LIN7A: variants seen among roughly 807,000 people sequenced by gnomAD.
The protein encoded by LIN7A is lin-7 cell polarity scaffold A.
LIN7A carries 25 observed loss-of-function variants against 29.8 expected under a neutral mutation model. The ratio of observed to expected loss-of-function variants is 0.84; its 90% CI spans 0.61 to 1.17. The LOEUF (loss-of-function observed/expected upper bound fraction) is 1.17, where lower values mean the gene tolerates loss of function less well. Ranked by LOEUF, LIN7A falls within the 50% of genes most tolerant of loss-of-function variation. The pLI, the probability that LIN7A is intolerant of heterozygous loss-of-function variation, is 0.00. For missense variants in LIN7A, 239 were observed against 287.0 expected, an observed-to-expected ratio of 0.83 and a Z score of 1.21; for synonymous variants, 118 against 107.5, an observed-to-expected ratio of 1.10 and a Z score of -0.60.
chr12:80,911,862 C>G (rs1386366745), intron 1 of LIN7A, among the ~76,000 whole-genome samples: 2 of 152,130 alleles, frequency 1.3e-5, no homozygotes, highest in African/African-American at 4.8e-5. Context: ...TTGGAAGGCA[C>G]TATTTTTCAA....
chr12:80,895,664 C>G (rs1197545457), intron 1 of LIN7A, among the ~76,000 whole-genome samples: 4 of 152,232 alleles, frequency 2.6e-5, no homozygotes, highest in Non-Finnish European at 5.9e-5. Context: ...TGTAAAGTCA[C>G]TTGTTATGGC....
chr12:80,905,926 A>G (rs1876454671), intron 1 of LIN7A, among the ~76,000 whole-genome samples: 1 of 152,070 alleles, frequency 6.6e-6, no homozygotes, highest in African/African-American at 2.4e-5. Flanking sequence ...TTTCTAAAGC[A>G]TATAATCAAA....
chr12:80,930,412 A>G (rs537778969), intron 1 of LIN7A, among the ~76,000 whole-genome samples: 71 of 152,318 alleles, frequency 4.7e-4, no homozygotes, highest in African/African-American at 1.7e-3. Context: ...AATTAACACA[A>G]TTTTTAAGGT....
chr12:80,813,785 C>A (rs761690436), intron 4 of LIN7A, among the ~76,000 whole-genome samples: 1 of 152,052 alleles, frequency 6.6e-6, no homozygotes, highest in Non-Finnish European at 1.5e-5. Context: ...CCCCTCTGAG[C>A]GGATCACCAG....
intron 1 of LIN7A, among the ~76,000 whole-genome samples, chr12:80,893,981 A>G (rs1875757339): frequency 6.6e-6 from 1 of 152,184 alleles, no homozygotes; most frequent in Non-Finnish European, 1.5e-5. Context: ...TTTGGAAACA[A>G]ATAGGTGGGA....
At chr12:80,819,044 C>T (rs995125438) in intron 4 of LIN7A, among the ~76,000 whole-genome samples, 1 of 152,134 alleles carries the variant, frequency 6.6e-6, no homozygotes, top group Non-Finnish European at 1.5e-5. Flanking sequence ...GTTTCAGTTA[C>T]CCAGGGTCAA....
chr12:80,841,944 A>G (rs1206899680), intron 4 of LIN7A: 2 of 1,095,854 alleles, frequency 1.8e-6, no homozygotes, highest in African/African-American at 3.4e-5. Flanking sequence ...CTGAGGATTG[A>G]TATAAGAAGT....
chr12:80,820,766 T>C (rs1168380655), intron 4 of LIN7A, among the ~76,000 whole-genome samples: 6 of 152,152 alleles, frequency 3.9e-5, no homozygotes, highest in Admixed American at 3.3e-4. Context: ...TACTAATTCT[T>C]GAGTGGTGGG....
intron 5 of LIN7A, among the ~76,000 whole-genome samples, chr12:80,807,077 T>TTTTTTTTTTTG (rs869213361): frequency 2.6e-5 from 3 of 115,538 alleles, no homozygotes; most frequent in East Asian, 2.6e-4. Context: ...TTTTTTTTTT[T>TTTTTTTTTTTG]TTTTTTTTTT....
At chr12:80,886,979 G>A (rs952101012) in intron 2 of LIN7A, among the ~76,000 whole-genome samples, 1 of 151,984 alleles carries the variant, frequency 6.6e-6, no homozygotes, top group African/African-American at 2.4e-5. Flanking sequence ...ATGCCTGTTA[G>A]ACATCTCTGC....
chr12:80,817,667 C>T (rs1329203361), intron 4 of LIN7A, among the ~76,000 whole-genome samples: 1 of 152,074 alleles, frequency 6.6e-6, no homozygotes, highest in Non-Finnish European at 1.5e-5. Context: ...CTCAGAAACA[C>T]AGAACATTAT....
At chr12:80,899,579 A>T (rs1452149340) in intron 1 of LIN7A, among the ~76,000 whole-genome samples, 1 of 151,626 alleles carries the variant, frequency 6.6e-6, no homozygotes, top group Non-Finnish European at 1.5e-5. Context: ...TTCTTTATGT[A>T]TCTGGGAAAA....
chr12:80,885,178 G>C (rs1244717149), intron 2 of LIN7A, among the ~76,000 whole-genome samples: 1 of 152,036 alleles, frequency 6.6e-6, no homozygotes, highest in Non-Finnish European at 1.5e-5. Context: ...TGAGCTATTT[G>C]CACTGCAATT....
chr12:80,841,084 T>G (rs1007478007), intron 4 of LIN7A, among the ~76,000 whole-genome samples: 4 of 152,126 alleles, frequency 2.6e-5, no homozygotes, highest in African/African-American at 7.2e-5. Flanking sequence ...CCCCTAAATA[T>G]TCTCTTCTCC....
chr12:80,799,482 A>G (rs955575860), intron 5 of LIN7A, among the ~76,000 whole-genome samples: 12 of 152,222 alleles, frequency 7.9e-5, no homozygotes, highest in African/African-American at 2.7e-4. Context: ...AAGGTTGCTA[A>G]GAAGCCTATG....
chr12:80,823,865 C>T (rs1443863328), intron 4 of LIN7A, among the ~76,000 whole-genome samples: 2 of 152,248 alleles, frequency 1.3e-5, no homozygotes, highest in Middle Eastern at 3.4e-3. Context: ...CTCTGGGATA[C>T]AGCAAAAGTG....
chr12:80,896,435 AC>A (rs1161690005), intron 1 of LIN7A, among the ~76,000 whole-genome samples: 1 of 152,236 alleles, frequency 6.6e-6, no homozygotes, highest in Non-Finnish European at 1.5e-5. Flanking sequence ...GTGCATGTGT[AC>A]CAACAACATA....
At chr12:80,933,899 T>A (rs1377460642) in intron 1 of LIN7A, among the ~76,000 whole-genome samples, 1 of 152,188 alleles carries the variant, frequency 6.6e-6, no homozygotes, top group Non-Finnish European at 1.5e-5. Context: ...TATGTGTGTG[T>A]TCATTGTGTG....
At chr12:80,887,696 T>C (rs1565916436) in intron 2 of LIN7A, among the ~76,000 whole-genome samples, 1 of 152,130 alleles carries the variant, frequency 6.6e-6, no homozygotes, top group Non-Finnish European at 1.5e-5. Context: ...CACTCTGATA[T>C]TGTATTGTAT....
Sources: allele counts gnomAD v4.1 joint callset (sites outside exome capture counted in the v4.1 genomes callset), GRCh38; gene constraint gnomAD v4.1.1; transcripts MANE v1.5; gene names NCBI Gene and HGNC (gene_info 2026-07-23, HGNC 2026-07-21).